Variants in TJP1 observed in about 807,000 individuals in gnomAD.
TJP1 encodes tight junction protein ZO-1.
TJP1 carries 43 observed loss-of-function variants against 194.2 expected under a neutral mutation model. That is an observed-to-expected ratio of 0.22 (90% CI 0.17 to 0.29). The LOEUF is 0.29. TJP1 is among the 10% of genes least tolerant of loss of function. The pLI is 1.00. For synonymous variants in TJP1, 801 were observed against 779.0 expected, an observed-to-expected ratio of 1.03 and a Z score of -0.47; for missense variants, 1,971 against 2,185.7, an observed-to-expected ratio of 0.90 and a Z score of 1.96.
chr15:29,948,585 CT>C (rs754216554), intron 2 of TJP1, among the ~76,000 whole-genome samples: 4 of 152,180 alleles, frequency 2.6e-5, no homozygotes, highest in African/African-American at 4.8e-5. Flanking sequence ...GACACTGCCC[CT>C]GGCCTTTATC....
chr15:29,945,825 T>C (rs1258053430), intron 2 of TJP1, among the ~76,000 whole-genome samples: 2 of 151,864 alleles, frequency 1.3e-5, no homozygotes, highest in Non-Finnish European at 2.9e-5. Context: ...GGACACAGGT[T>C]ACAGATGATA....
chr15:29,820,664 A>T, intron 1 of TJP1: 1 of 670,102 alleles, frequency 1.5e-6, no homozygotes, highest in Non-Finnish European at 2.8e-6. Context: ...ACGGAAACAA[A>T]GCCTTTCCTC....
At chr15:29,894,523 G>A (rs1338965276) in intron 2 of TJP1, among the ~76,000 whole-genome samples, 1 of 152,202 alleles carries the variant, frequency 6.6e-6, no homozygotes, top group Non-Finnish European at 1.5e-5. Context: ...AGGTGTCTTG[G>A]CCTGTTGTGC....
chr15:29,776,008 A>G (rs1367834985), intron 2 of TJP1, among the ~76,000 whole-genome samples: 1 of 152,158 alleles, frequency 6.6e-6, no homozygotes, highest in Non-Finnish European at 1.5e-5. Context: ...CAGAACACTG[A>G]TATCAAGGAA....
chr15:29,901,403 G>A (rs1169172153), intron 2 of TJP1, among the ~76,000 whole-genome samples: 1 of 152,172 alleles, frequency 6.6e-6, no homozygotes, highest in Non-Finnish European at 1.5e-5. Context: ...GCAAAATTGT[G>A]CAAAAGTATA....
chr15:29,749,112 T>C lies in TJP1; in HGVS notation c.1011-6331A>G, dbSNP rs143880326. Among the ~76,000 whole-genome samples, 120 of 152,270 alleles carry C rather than the reference T, an allele frequency of 7.9e-4. 1 individual carries two copies. In the East Asian group the frequency reaches 0.021, roughly 26 times the overall value. ...CCTCAAGATCCTCTTATGGGCACTTTTGCTTTTCCCCAGAAGGGTAAGACG... is the reference window on the plus strand; with the variant it reads ...CCTCAAGATCCTCTTATGGGCACTTCTGCTTTTCCCCAGAAGGGTAAGACG... On this transcript the variant is annotated intron_variant, in intron 8 of 27. Transcript: ENST00000614355.
intron 2 of TJP1, among the ~76,000 whole-genome samples, chr15:29,843,878 G>A (rs1199293799): frequency 6.6e-6 from 1 of 152,094 alleles, no homozygotes; most frequent in Non-Finnish European, 1.5e-5. Flanking sequence ...GTACATCCAG[G>A]AAAATGCTTC....
At chr15:29,816,039 C>T (rs2049893839) in intron 1 of TJP1, among the ~76,000 whole-genome samples, 1 of 150,880 alleles carries the variant, frequency 6.6e-6, no homozygotes, top group East Asian at 1.9e-4. Flanking sequence ...GAGACAGACT[C>T]TCACTCTGTT....
rs1014579176 is a variant in TJP1, at chr15:29,822,372, C to A, written c.-344G>T. On this transcript the variant is annotated 5_prime_UTR_variant, in exon 1 of 28. Coordinates refer to ENST00000614355, the MANE Select transcript of TJP1 (RefSeq NM_001330239.4). ...CACCCGTGGCCTCCCGGCGTCTCCT[C>A]GGAAGCCGGCTTCGCCACGTAACTT... is the stretch of plus-strand genomic sequence containing the variant. The A allele has an allele frequency of 9.7e-6, 10 of 1,025,848 alleles. No individual in the cohort carries two copies. In the South Asian group the frequency reaches 4.6e-4, roughly 47 times the overall value. The allele number at this position is 1,025,848 out of a possible 1,614,324, so 63.5% of individuals were successfully genotyped here.
chr15:29,911,911 A>C (rs946276802), intron 2 of TJP1, among the ~76,000 whole-genome samples: 1 of 152,228 alleles, frequency 6.6e-6, no homozygotes, highest in African/African-American at 2.4e-5. Flanking sequence ...ATAGAAAAAT[A>C]AGGCATGATT....
At chr15:29,835,079 T>C (rs1049378504) in intron 2 of TJP1, among the ~76,000 whole-genome samples, 4 of 152,126 alleles carry the variant, frequency 2.6e-5, no homozygotes, top group Admixed American at 1.3e-4. Flanking sequence ...CCAGGAGAAG[T>C]GGGCTGGATG....
intron 4 of TJP1, among the ~76,000 whole-genome samples, chr15:29,768,436 AT>A (rs2046451938): frequency 6.6e-6 from 1 of 152,184 alleles, no homozygotes; most frequent in African/African-American, 2.4e-5. Flanking sequence ...TGGTATTAGT[AT>A]TTTAATCTTC....
At chr15:29,913,431 T>C (rs1053328273) in intron 2 of TJP1, among the ~76,000 whole-genome samples, 17 of 152,148 alleles carry the variant, frequency 1.1e-4, no homozygotes, top group African/African-American at 4.1e-4. Flanking sequence ...CTTAAAATGG[T>C]TGCAATATTG....
intron 1 of TJP1, among the ~76,000 whole-genome samples, chr15:29,967,793 A>C (rs2056383332): frequency 6.6e-6 from 1 of 152,224 alleles, no homozygotes; most frequent in African/African-American, 2.4e-5. Flanking sequence ...ATTAAATTAG[A>C]CTGTGCTCAA....
chr15:29,915,600 G>A (rs1260050013), intron 2 of TJP1, among the ~76,000 whole-genome samples: 2 of 152,096 alleles, frequency 1.3e-5, no homozygotes, highest in Non-Finnish European at 2.9e-5. Context: ...CTTAACCATT[G>A]CCAAATCTTC....
intron 2 of TJP1, among the ~76,000 whole-genome samples, chr15:29,916,169 C>T (rs1017208436): frequency 1.4e-5 from 2 of 146,628 alleles, no homozygotes; most frequent in African/African-American, 5.1e-5. Flanking sequence ...CACCTGAACT[C>T]GGGAGGTGGA....
upstream of TJP1, among the ~76,000 whole-genome samples, chr15:29,826,995 C>G (rs886564589): frequency 3.3e-5 from 5 of 152,120 alleles, no homozygotes; most frequent in African/African-American, 9.7e-5. Context: ...TCTTGATACC[C>G]CTGCTGGTCC....
chr15:29,865,500 G>T (rs999889658), intron 2 of TJP1, among the ~76,000 whole-genome samples: 3 of 152,128 alleles, frequency 2.0e-5, no homozygotes, highest in Non-Finnish European at 4.4e-5. Context: ...TAAGACCCTA[G>T]GGGAGTTTAG....
chr15:29,959,726 G>A (rs773848992), intron 1 of TJP1, among the ~76,000 whole-genome samples: 5 of 152,162 alleles, frequency 3.3e-5, no homozygotes, highest in Non-Finnish European at 5.9e-5. Context: ...GTCCACTGAT[G>A]ACATTCTTTA....
Sources: gnomAD v4.1 joint callset for allele counts (sites outside exome capture counted in the v4.1 genomes callset) on GRCh38, gnomAD v4.1.1 for gene constraint, MANE v1.5 for transcripts, NCBI Gene and HGNC (gene_info 2026-07-23, HGNC 2026-07-21) for gene names.